Variants in NRCAM observed in about 807,000 individuals in gnomAD.
The protein encoded by NRCAM is neuronal cell adhesion molecule.
Under a neutral mutation model 156.5 loss-of-function variants are expected in NRCAM, and 83 were observed. The ratio of observed to expected loss-of-function variants is 0.53; its 90% CI spans 0.44 to 0.64. The LOEUF (loss-of-function observed/expected upper bound fraction) is 0.64, where lower values mean the gene tolerates loss of function less well. NRCAM is among the 30% of genes least tolerant of loss of function. The pLI is 0.00. For synonymous variants in NRCAM, 538 were observed against 563.9 expected, an observed-to-expected ratio of 0.95 and a Z score of 0.65; for missense variants, 1,417 against 1,597.3, an observed-to-expected ratio of 0.89 and a Z score of 1.92.
chr7:108,321,454 G>T (rs936069887), intron 2 of NRCAM, among the ~76,000 whole-genome samples: 2 of 152,156 alleles, frequency 1.3e-5, no homozygotes, highest in African/African-American at 2.4e-5. Context: ...AGATCTCACA[G>T]TAATTCATTA....
At chr7:108,371,801 G>A (rs2154342597) in intron 2 of NRCAM, among the ~76,000 whole-genome samples, 1 of 152,174 alleles carries the variant, frequency 6.6e-6, no homozygotes, top group Non-Finnish European at 1.5e-5. Flanking sequence ...ATTACCCAAA[G>A]TGATCTACAG....
In NRCAM at chr7:108,194,137, T is replaced by C; in HGVS notation, c.1665A>G (p.Ala555=). The C allele has an allele frequency of 6.2e-7, 1 of 1,614,096 alleles. No homozygotes were observed. The highest frequency in any genetic ancestry group is 8.5e-7 in the Non-Finnish European group (1 of 1,179,916). The stretch of plus-strand genomic sequence containing the variant: ...ACACCATGCTCCCTCTTTGCACAAC[T>C]GCATATTCGGGCTGTTTAACGATCC... The part of the protein sequence containing the change: ...PTWIVKQPEY[A]VVQRGSMVSF... The change falls in exon 17 of 33, where the codon GCA becomes GCG. Residue 555 remains alanine (A), a synonymous_variant. Transcript: ENST00000379028.
At chr7:108,433,969 G>A (rs1829027041) in intron 1 of NRCAM, among the ~76,000 whole-genome samples, 1 of 152,162 alleles carries the variant, frequency 6.6e-6, no homozygotes, top group African/African-American at 2.4e-5. Flanking sequence ...GGGAACTTCT[G>A]GCATAATGGA....
chr7:108,313,908 C>T (rs10226935), intron 2 of NRCAM, among the ~76,000 whole-genome samples: 34,717 of 151,950 alleles, frequency 0.23, 4,281 homozygotes, highest in African/African-American at 0.28. Context: ...AATACATATC[C>T]GCCAATTCAC....
intron 30 of NRCAM, among the ~76,000 whole-genome samples, chr7:108,165,978 C>G (rs1178098617): frequency 6.6e-6 from 1 of 152,190 alleles, no homozygotes; most frequent in Non-Finnish European, 1.5e-5. Flanking sequence ...CTCCATCTAG[C>G]GAGCAAATAC....
intron 1 of NRCAM, among the ~76,000 whole-genome samples, chr7:108,454,152 AAAG>A (rs1228305430): frequency 2.0e-5 from 3 of 152,236 alleles, no homozygotes; most frequent in Non-Finnish European, 4.4e-5. Flanking sequence ...AACAGGAATA[AAAG>A]AATATGTAAA....
intron 2 of NRCAM, among the ~76,000 whole-genome samples, chr7:108,355,957 T>A (rs2154302745): frequency 6.6e-6 from 1 of 152,192 alleles, no homozygotes; most frequent in East Asian, 1.9e-4. Context: ...TTTTTTTTTT[T>A]TTGAGATGGA....
intron 2 of NRCAM, among the ~76,000 whole-genome samples, chr7:108,394,732 A>G (rs2154382310): frequency 6.6e-6 from 1 of 152,270 alleles, no homozygotes; most frequent in South Asian, 2.1e-4. Flanking sequence ...TGTCCTCTAA[A>G]TGAAGGACAT....
intron 19 of NRCAM, 150 bp from the exon 20 acceptor site, chr7:108,189,896 T>G (rs1444607130): frequency 5.6e-6 from 3 of 538,250 alleles, no homozygotes; most frequent in Non-Finnish European, 9.7e-6. Context: ...TGTGCACAGC[T>G]GAGGCTGCTG....
At chr7:108,226,493 T>C (rs2093461733) in intron 8 of NRCAM, 115 bp from the exon 9 acceptor site, 1 of 660,562 alleles carries the variant, frequency 1.5e-6, no homozygotes, top group East Asian at 2.7e-5. Context: ...AATATATTTT[T>C]TCTCTATATA....
chr7:108,305,785 C>G (rs1262363580), intron 3 of NRCAM, among the ~76,000 whole-genome samples: 1 of 152,158 alleles, frequency 6.6e-6, no homozygotes, highest in Non-Finnish European at 1.5e-5. Context: ...TGTATACTCC[C>G]TCTTAGATAC....
intron 1 of NRCAM, among the ~76,000 whole-genome samples, chr7:108,434,915 G>A (rs1830239261): frequency 6.6e-6 from 1 of 151,970 alleles, no homozygotes; most frequent in Admixed American, 6.5e-5. Flanking sequence ...AAATTTCTCA[G>A]GGTAGAGAAA....
In NRCAM at chr7:108,327,790, G is replaced by C. The variant is rs536622363; in HGVS notation, c.-173-15059C>G. Among the ~76,000 whole-genome samples the C allele has an allele frequency of 2.6e-5, 4 of 152,224 alleles. No individual in the cohort carries two copies. In the South Asian group the frequency reaches 6.2e-4, roughly 24 times the overall value. ...GAGAATCAATACAAAAAACCTAAGG[G>C]AAACTCTCAAGTTAGTGCCGAGGGA... On this transcript the variant is annotated intron_variant, in intron 2 of 32. Transcript: ENST00000379028.
At chr7:108,454,834 C>T (rs192629464) in intron 1 of NRCAM, among the ~76,000 whole-genome samples, 56 of 152,328 alleles carry the variant, frequency 3.7e-4, no homozygotes, top group Non-Finnish European at 1.2e-4. Flanking sequence ...CTTAGACCCG[C>T]ACTTCTGAGC....
chr7:108,175,247 C>G, intron 28 of NRCAM, 75 bp downstream of exon 28: 1 of 1,179,372 alleles, frequency 8.5e-7, no homozygotes. Flanking sequence ...CTCTGTTTTA[C>G]CCATGCTGCA....
chr7:108,158,646 T>C (rs906160815), intron 32 of NRCAM, among the ~76,000 whole-genome samples: 2 of 152,124 alleles, frequency 1.3e-5, no homozygotes, highest in Admixed American at 1.3e-4. Context: ...TAAAAGGTAT[T>C]TTATATAAGC....
At chr7:108,413,197 C>T (rs1397385339) in intron 1 of NRCAM, among the ~76,000 whole-genome samples, 1 of 152,146 alleles carries the variant, frequency 6.6e-6, no homozygotes, top group African/African-American at 2.4e-5. Context: ...TACTTCCTAC[C>T]TTTCATCTTT....
At chr7:108,213,674 A>T (rs2086056010) in intron 11 of NRCAM, among the ~76,000 whole-genome samples, 1 of 152,242 alleles carries the variant, frequency 6.6e-6, no homozygotes, top group Admixed American at 6.5e-5. Flanking sequence ...GAGACAAAGA[A>T]GGACATTATA....
At chr7:108,260,512 C>T (rs555782646) in intron 3 of NRCAM, among the ~76,000 whole-genome samples, 1 of 152,290 alleles carries the variant, frequency 6.6e-6, no homozygotes, top group Non-Finnish European at 1.5e-5. Flanking sequence ...CCACAGACCA[C>T]ACTCCCAAGA....
Sources: gnomAD v4.1 joint callset for allele counts (sites outside exome capture counted in the v4.1 genomes callset) on GRCh38, gnomAD v4.1.1 for gene constraint, MANE v1.5 for transcripts, NCBI Gene and HGNC (gene_info 2026-07-23, HGNC 2026-07-21) for gene names.